ANLN: variants seen among roughly 807,000 people sequenced by gnomAD.
The protein encoded by ANLN is anillin.
Under a neutral mutation model 135.1 loss-of-function variants are expected in ANLN, and 59 were observed. The observed-to-expected ratio is 0.44, with a 90% CI of 0.35 to 0.54. ANLN has a LOEUF of 0.54. Among genes scored for constraint, ANLN ranks in the 20% least tolerant of loss-of-function variants. The pLI is 0.00. For synonymous variants in ANLN, 406 were observed against 456.4 expected, an observed-to-expected ratio of 0.89 and a Z score of 1.41; for missense variants, 1,182 against 1,340.0, an observed-to-expected ratio of 0.88 and a Z score of 1.84.
chr7:36,433,669 G>A (rs1788417125), intron 20 of ANLN, among the ~76,000 whole-genome samples: 1 of 152,010 alleles, frequency 6.6e-6, no homozygotes, highest in Non-Finnish European at 1.5e-5. Flanking sequence ...GTAGACTATT[G>A]ACTATTTTTC....
In ANLN at chr7:36,407,951, C is replaced by T. The variant is rs746180775; in HGVS notation, c.1091C>T (p.Thr364Ile). Reference protein sequence around the residue: ...LQSQSKDKSTTPGGTGIKPFL... With the variant: ...LQSQSKDKSTIPGGTGIKPFL... ...TCTCAATCTAAAGACAAATCTACGA[C>T]ACCAGGTTACGTATTTATAAAAAAT... The change falls in exon 5 of 24, where the codon ACA (threonine) becomes ATA (isoleucine). Residue 364 changes from threonine (T) to isoleucine (I), a missense_variant. Physicochemically the swap from Thr to Ile is moderately conservative, Grantham distance 89. Transcript: ENST00000265748. 24 of 1,610,348 alleles carry T rather than the reference C, an allele frequency of 1.5e-5. No individual in the cohort carries two copies. Among genetic ancestry groups the T allele is most frequent in the African/African-American group, 4.0e-5 (3 of 74,726 alleles).
intron 5 of ANLN, among the ~76,000 whole-genome samples, chr7:36,409,379 T>C (rs553700271): frequency 1.6e-4 from 25 of 152,300 alleles, no homozygotes; most frequent in African/African-American, 4.8e-4. Flanking sequence ...TAAAGTTTTA[T>C]TGGAGCACAG....
At chr7:36,404,468 T>TA (rs1050520074) in intron 3 of ANLN, among the ~76,000 whole-genome samples, 3 of 152,330 alleles carry the variant, frequency 2.0e-5, no homozygotes, top group African/African-American at 7.2e-5. Flanking sequence ...ACTAAGCACT[T>TA]ACACACACTG....
At chr7:36,400,526 AT>A (rs562728040) in intron 3 of ANLN, among the ~76,000 whole-genome samples, 1 of 151,654 alleles carries the variant, frequency 6.6e-6, no homozygotes, top group Admixed American at 6.6e-5. Context: ...TGCCCAGCTA[AT>A]TTTTTTTGTA....
intron 1 of ANLN, among the ~76,000 whole-genome samples, chr7:36,392,455 A>G (rs1247041245): frequency 6.6e-6 from 1 of 151,198 alleles, no homozygotes; most frequent in Non-Finnish European, 1.5e-5. Context: ...TATAAGCTTC[A>G]GTTACCTGAG....
chr7:36,401,235 G>A (rs1786932812), intron 3 of ANLN, among the ~76,000 whole-genome samples: 1 of 152,116 alleles, frequency 6.6e-6, no homozygotes, highest in Non-Finnish European at 1.5e-5. Context: ...AAGGAAACTG[G>A]GTTCATAGAG....
chr7:36,420,204 C>T lies in ANLN; in HGVS notation c.1905C>T (p.Asp635=). ...CCACACCTAGACTGGAATTGAAAGA[C>T]ACCAGCAGAAGTGATGAAAGTCCAA... ...LVSTPRLELK[D]TSRSDESPKP... is the part of the protein sequence containing the mutation. The change falls in exon 11 of 24, where the codon GAC becomes GAT. Residue 635 remains aspartate (D), a synonymous_variant. Transcript: ENST00000265748. 1 of 1,614,006 alleles carries T rather than the reference C, an allele frequency of 6.2e-7. No homozygotes were observed. The highest frequency in any genetic ancestry group is 1.1e-5 in the South Asian group (1 of 91,076).
At chr7:36,394,441 G>A (rs1786610137) in intron 1 of ANLN, among the ~76,000 whole-genome samples, 1 of 152,124 alleles carries the variant, frequency 6.6e-6, no homozygotes, top group African/African-American at 2.4e-5. Flanking sequence ...TGTATCATGG[G>A]GGGAAATTAT....
intron 20 of ANLN, among the ~76,000 whole-genome samples, chr7:36,432,657 T>C (rs533573951): frequency 1.3e-5 from 2 of 152,370 alleles, no homozygotes; most frequent in South Asian, 4.1e-4. Flanking sequence ...ATTTGTTTTC[T>C]ATTTGTTTCG....
In ANLN at chr7:36,453,186, T is replaced by A. The variant is rs1789315976; in HGVS notation, c.*586T>A. 6.6e-6 allele frequency: 1 copy of A among 152,282 alleles called. No homozygotes were observed. The highest frequency in any genetic ancestry group is 6.5e-5 in the Admixed American group (1 of 15,282). 9.4% of individuals were successfully genotyped at this position (152,282 alleles called of 1,614,324 possible). ...TGATGTGGACATAGGAGGCAATGTG[T>A]GAGACTTGGGGGTTCAATATTTTAT... On this transcript the variant is annotated 3_prime_UTR_variant, in exon 24 of 24. Coordinates refer to ENST00000265748, the MANE Select transcript of ANLN (RefSeq NM_018685.5).
At chr7:36,420,078 C>T in intron 10 of ANLN, 91 bp from the exon 11 acceptor site, 1 of 1,280,188 alleles carries the variant, frequency 7.8e-7, no homozygotes, top group Non-Finnish European at 1.1e-6. Context: ...GGATTTTTTT[C>T]TTAATATTAA....
At chr7:36,425,634 G>C in intron 17 of ANLN, 68 bp from the exon 18 acceptor site, 1 of 1,232,628 alleles carries the variant, frequency 8.1e-7, no homozygotes, top group Non-Finnish European at 1.2e-6. Flanking sequence ...CTCAAGGTTG[G>C]ATAGTTTTAC....
At chr7:36,419,138 G>T in intron 9 of ANLN, 106 bp from the exon 10 acceptor site, 10 of 717,070 alleles carry the variant, frequency 1.4e-5, no homozygotes, top group Admixed American at 3.3e-5. Flanking sequence ...TTTTTTTAAG[G>T]CATTTTTTCC....
intron 7 of ANLN, among the ~76,000 whole-genome samples, chr7:36,412,027 C>T (rs1357452495): frequency 6.6e-6 from 1 of 152,040 alleles, no homozygotes; most frequent in Non-Finnish European, 1.5e-5. Context: ...TCTCTGTCTT[C>T]TCTTGTTGGT....
rs745776742 is a variant in ANLN, at chr7:36,411,137, T to A, written c.1366T>A (p.Ser456Thr). The change falls in exon 7 of 24, where the codon TCA becomes ACA. Residue 456 changes from serine (S) to threonine (T), a missense_variant. Physicochemically the swap from Ser to Thr is moderately conservative, Grantham distance 58. Transcript: ENST00000265748. ...NIWSAEKGGN[S>T]KSKQLETKQE... Reference sequence around the variant, plus strand: ...ATGGAGTGCAGAAAAAGGCGGAAACTCAAAAAGCAAACAACTAGAAACCAA... The same window carrying A: ...ATGGAGTGCAGAAAAAGGCGGAAACACAAAAAGCAAACAACTAGAAACCAA... The A allele has an allele frequency of 1.2e-6, 2 of 1,606,946 alleles. No homozygotes were observed. The highest frequency in any genetic ancestry group is 8.5e-7 in the Non-Finnish European group (1 of 1,178,446).
Position 36,449,846 on chromosome 7 carries a change from T to G in ANLN, c.3251+9T>G. 1 of 1,609,618 alleles carries G rather than the reference T, an allele frequency of 6.2e-7. No individual in the cohort carries two copies. Among genetic ancestry groups the G allele is most frequent in the Non-Finnish European group, 8.5e-7 (1 of 1,178,010 alleles). ...ACACTCTGTGTTACCAAGTATGTATTGGCCTATAAATATTTCTATCAACTA... is the reference window on the plus strand; with the variant it reads ...ACACTCTGTGTTACCAAGTATGTATGGGCCTATAAATATTTCTATCAACTA... On this transcript the variant is annotated intron_variant, in intron 23 of 23. Coordinates refer to ENST00000265748, the MANE Select transcript of ANLN (RefSeq NM_018685.5).
intron 20 of ANLN, among the ~76,000 whole-genome samples, chr7:36,438,167 G>A (rs1362337648): frequency 1.3e-5 from 2 of 152,086 alleles, no homozygotes; most frequent in African/African-American, 2.4e-5. Context: ...ATGGTATGAG[G>A]TGAAGGTCCA....
intron 3 of ANLN, among the ~76,000 whole-genome samples, chr7:36,400,781 C>T (rs565503760): frequency 6.6e-6 from 1 of 152,330 alleles, no homozygotes; most frequent in East Asian, 1.9e-4. Context: ...CTCAGCCTGG[C>T]TGATTGTATC....
At position 36,422,636 on chromosome 7, in the gene ANLN, G is replaced by A. The variant is rs2116673030; in HGVS notation, c.2303G>A (p.Gly768Glu). ...AATATTGCGTTGTTTTACATAGCTG[G>A]GAAGAGAACACTTTTGATTGATGAA... is the stretch of plus-strand genomic sequence containing the variant. ...EAERLLLIAT[G>E]KRTLLIDELN... Residue 768 changes from glycine to glutamate, a missense_variant, in exon 14 of 24, where the codon GGG (glycine) becomes GAG (glutamate). Physicochemically the swap from Gly to Glu is moderately conservative, Grantham distance 98. Around this residue, in one of 3 missense-constraint regions of ANLN, gnomAD observed 1,022 missense variants for 1,134.0 expected, o/e 0.90. Coordinates refer to ENST00000265748, the MANE Select transcript of ANLN (RefSeq NM_018685.5). 2 of 1,598,576 alleles carry A rather than the reference G, an allele frequency of 1.3e-6. No individual in the cohort carries two copies. Among genetic ancestry groups the A allele is most frequent in the Admixed American group, 1.8e-5 (1 of 55,326 alleles).
Sources: gnomAD v4.1 joint callset for allele counts (sites outside exome capture counted in the v4.1 genomes callset) on GRCh38, gnomAD v4.1.1 for gene constraint, gnomAD v4.1.1 regional missense constraint, MANE v1.5 for transcripts, NCBI Gene and HGNC (gene_info 2026-07-23, HGNC 2026-07-21) for gene names.